SYNPR: variants seen among roughly 807,000 people sequenced by gnomAD.
SYNPR encodes synaptoporin.
Under a neutral mutation model 32.9 loss-of-function variants are expected in SYNPR, and 23 were observed. That is an observed-to-expected ratio of 0.70 (90% confidence interval 0.50 to 0.99). The LOEUF (loss-of-function observed/expected upper bound fraction) is 0.99. SYNPR is among the 50% of genes least tolerant of loss of function. The pLI, the probability that SYNPR is intolerant of heterozygous loss-of-function variation, is 0.00. For missense variants in SYNPR, 318 were observed against 349.3 expected, an observed-to-expected ratio of 0.91 and a Z score of 0.71; for synonymous variants, 146 against 135.9, an observed-to-expected ratio of 1.07 and a Z score of -0.52.
chr3:63,371,950 T>C (rs2087818071), intron 2 of SYNPR, among the ~76,000 whole-genome samples: 1 of 152,140 alleles, frequency 6.6e-6, no homozygotes, highest in Non-Finnish European at 1.5e-5. Context: ...ACAGCCACCA[T>C]GCAGAGAGGA....
intron 1 of SYNPR, among the ~76,000 whole-genome samples, chr3:63,239,773 A>G (rs930117883): frequency 1.3e-5 from 2 of 149,996 alleles, no homozygotes; most frequent in Non-Finnish European, 3.0e-5. Flanking sequence ...TCATCCTACC[A>G]TTGTCAAGTA....
At chr3:63,227,071 G>A (rs974932033), upstream of SYNPR, among the ~76,000 whole-genome samples, 13 of 152,152 alleles carry the variant, frequency 8.5e-5, no homozygotes, top group African/African-American at 1.9e-4. Context: ...GAGAACAGTT[G>A]AACTATAATA....
chr3:63,231,599 A>G (rs966799736), intron 1 of SYNPR, among the ~76,000 whole-genome samples: 2 of 152,196 alleles, frequency 1.3e-5, no homozygotes, highest in African/African-American at 4.8e-5. Context: ...AAGTAATGTT[A>G]CTGCTTCTTC....
At chr3:63,602,784 C>A (rs1700064889) in intron 4 of SYNPR, among the ~76,000 whole-genome samples, 1 of 152,140 alleles carries the variant, frequency 6.6e-6, no homozygotes, top group Admixed American at 6.5e-5. Context: ...TAAAGTAATA[C>A]CTCCAGCTTT....
intron 2 of SYNPR, among the ~76,000 whole-genome samples, chr3:63,365,867 T>G (rs1031782480): frequency 1.3e-5 from 2 of 152,208 alleles, no homozygotes; most frequent in African/African-American, 4.8e-5. Flanking sequence ...TGGAACCACT[T>G]CAGAGTGATG....
intron 3 of SYNPR, among the ~76,000 whole-genome samples, chr3:63,520,821 G>T (rs537841960): frequency 6.6e-6 from 1 of 152,152 alleles, no homozygotes; most frequent in African/African-American, 2.4e-5. Flanking sequence ...TGTCTACCCT[G>T]CAGGGTCTGC....
Position 63,616,891 on chromosome 3 carries a change from C to T in SYNPR, c.*1410C>T. 6.6e-6 allele frequency: 1 copy of T among 152,186 alleles called. No homozygotes were observed. Among genetic ancestry groups the T allele is most frequent in the East Asian group, 1.9e-4 (1 of 5,196 alleles). The allele number at this position is 152,186 out of a possible 1,614,324, so 9.4% of individuals were successfully genotyped here. A position where few individuals can be genotyped will look rare whatever the true frequency, so the allele number is the denominator to read the frequency against. On this transcript the variant is annotated 3_prime_UTR_variant, in exon 6 of 6. Coordinates refer to ENST00000478300, the MANE Select transcript of SYNPR (RefSeq NM_001130003.2). ...GTTGGATAAAACTGTATTGTGATAT[C>T]TATTTGATGTTAATAAAGTTATTGC...
intron 2 of SYNPR, among the ~76,000 whole-genome samples, chr3:63,403,651 T>A (rs6780494): frequency 0.054 from 8,261 of 152,178 alleles, 567 homozygotes; most frequent in African/African-American, 0.16. Flanking sequence ...TTGGAGGTTC[T>A]AGCCTCAGGG....
intron 2 of SYNPR, chr3:63,351,398 C>T (rs996873181): frequency 6.6e-6 from 1 of 152,090 alleles, no homozygotes. Context: ...GTGAGTGCAC[C>T]CTAGTAGGGA....
chr3:63,302,661 T>A (rs1038044357), intron 2 of SYNPR, among the ~76,000 whole-genome samples: 106 of 152,156 alleles, frequency 7.0e-4, no homozygotes, highest in African/African-American at 2.4e-3. Context: ...ACCAATAATA[T>A]TTAATGGCCA....
At chr3:63,540,495 C>T (rs17069002) in intron 3 of SYNPR, among the ~76,000 whole-genome samples, 2,364 of 151,654 alleles carry the variant, frequency 0.016, 70 homozygotes, top group African/African-American at 0.053. Flanking sequence ...GAAATATACT[C>T]GAGTAGTACT....
At chr3:63,531,645 G>A (rs114187499) in intron 3 of SYNPR, among the ~76,000 whole-genome samples, 3,246 of 152,140 alleles carry the variant, frequency 0.021, 115 homozygotes, top group African/African-American at 0.073. Flanking sequence ...AATTCAGTCC[G>A]CAACAGCCAA....
At chr3:63,222,448 G>A in the SYNPR span, among the ~76,000 whole-genome samples, 1 of 152,098 alleles carries the variant, frequency 6.6e-6, no homozygotes, top group Non-Finnish European at 1.5e-5. Flanking sequence ...GTAATGGGGA[G>A]TATATGGGGT....
intron 2 of SYNPR, among the ~76,000 whole-genome samples, chr3:63,355,507 C>CAGCCAGAG (rs2087565445): frequency 6.6e-6 from 1 of 152,136 alleles, no homozygotes; most frequent in Non-Finnish European, 1.5e-5. Flanking sequence ...TCACACTCAC[C>CAGCCAGAG]AGCCAGAGTT....
At chr3:63,402,134 G>T (rs781598450) in intron 2 of SYNPR, among the ~76,000 whole-genome samples, 3 of 152,126 alleles carry the variant, frequency 2.0e-5, no homozygotes, top group Non-Finnish European at 4.4e-5. Flanking sequence ...GGAAGGAGAG[G>T]TTTGAAGAAG....
chr3:63,448,117 C>A (rs1700313236), intron 2 of SYNPR, among the ~76,000 whole-genome samples: 2 of 152,162 alleles, frequency 1.3e-5, no homozygotes, highest in Non-Finnish European at 1.5e-5. Flanking sequence ...GATTGTCCTG[C>A]CTCAGCCTCC....
At chr3:63,348,469 A>AT (rs2087464844) in intron 2 of SYNPR, among the ~76,000 whole-genome samples, 1 of 151,694 alleles carries the variant, frequency 6.6e-6, no homozygotes. Context: ...ATTTTCTCCC[A>AT]TTTTCCAAGT....
chr3:63,492,966 A>T (rs1209595821), intron 3 of SYNPR, among the ~76,000 whole-genome samples: 1 of 151,844 alleles, frequency 6.6e-6, no homozygotes, highest in Non-Finnish European at 1.5e-5. Context: ...GAAACAGCCC[A>T]CTCTTATCTG....
At chr3:63,435,399 G>T (rs990730798) in intron 2 of SYNPR, among the ~76,000 whole-genome samples, 8 of 152,176 alleles carry the variant, frequency 5.3e-5, no homozygotes, top group African/African-American at 1.4e-4. Flanking sequence ...GAATTAGAAA[G>T]GTCCATGGTA....
Sources: allele counts gnomAD v4.1 joint callset (sites outside exome capture counted in the v4.1 genomes callset), GRCh38; gene constraint gnomAD v4.1.1; transcripts MANE v1.5; gene names NCBI Gene and HGNC (gene_info 2026-07-23, HGNC 2026-07-21).